TFEC: variants seen among roughly 807,000 people sequenced by gnomAD.
TFEC encodes the protein class E basic helix-loop-helix protein 34.
TFEC carries 31 observed loss-of-function variants against 41.6 expected under a neutral mutation model. That is an observed-to-expected ratio of 0.74 (90% CI 0.56 to 1.01). TFEC has a LOEUF of 1.01. TFEC is among the 50% of genes least tolerant of loss of function. The pLI is 0.00. For synonymous variants in TFEC, 143 were observed against 140.6 expected, an observed-to-expected ratio of 1.02 and a Z score of -0.12; for missense variants, 402 against 404.1, an observed-to-expected ratio of 0.99 and a Z score of 0.04.
In TFEC at chr7:116,045,313, C is replaced by T. The variant is rs189782903; in HGVS notation, c.199-60800G>A. ...AGCAATGAGACTGGCGGCATTTTGC[C>T]CCTGCCCTAGAGATTTGTGGAACTT... On this transcript the variant is annotated intron_variant, in intron 3 of 8. Coordinates refer to the TFEC transcript ENST00000484212. Among the ~76,000 whole-genome samples the T allele has an allele frequency of 3.9e-5, 6 of 152,268 alleles. No individual in the cohort carries two copies. The East Asian group carries it at 1.2e-3, about 29-fold the overall frequency.
At chr7:115,996,411 G>A (rs1429733785) in intron 1 of TFEC, among the ~76,000 whole-genome samples, 1 of 152,074 alleles carries the variant, frequency 6.6e-6, no homozygotes, top group Non-Finnish European at 1.5e-5. Flanking sequence ...CCTGGGCCCT[G>A]AATAATCAGC....
intron 1 of TFEC, among the ~76,000 whole-genome samples, chr7:116,009,610 C>T (rs533619558): frequency 6.6e-6 from 1 of 152,110 alleles, no homozygotes; most frequent in South Asian, 2.1e-4. Flanking sequence ...ATAACTATAA[C>T]ACAATGTGGC....
chr7:116,130,673 C>A (rs1286837175), intron 1 of TFEC, among the ~76,000 whole-genome samples: 1 of 152,130 alleles, frequency 6.6e-6, no homozygotes, highest in East Asian at 1.9e-4. Context: ...AGTGCAGTAG[C>A]ACAATCCCAG....
intron 3 of TFEC, among the ~76,000 whole-genome samples, chr7:115,970,708 C>G (rs1793094827): frequency 6.6e-6 from 1 of 151,856 alleles, no homozygotes; most frequent in Non-Finnish European, 1.5e-5. Context: ...TGAACTAGGA[C>G]AATTATTCAC....
chr7:115,975,577 A>C (rs1793342633), intron 2 of TFEC, among the ~76,000 whole-genome samples: 1 of 152,172 alleles, frequency 6.6e-6, no homozygotes, highest in Non-Finnish European at 1.5e-5. Flanking sequence ...TGTGGTTAGA[A>C]CTGGAGCTAC....
At position 116,030,658 on chromosome 7, in the gene TFEC, T is replaced by C. The variant is rs1795758135; in HGVS notation, c.-98A>G. 2.0e-6 allele frequency: 2 copies of C among 985,294 alleles called. No homozygotes were observed. The highest frequency in any genetic ancestry group is 1.7e-5 in the African/African-American group (1 of 57,232). The allele number at this position is 985,294 out of a possible 1,614,324, so 61.0% of individuals were successfully genotyped here. A position where few individuals can be genotyped will look rare whatever the true frequency, so the allele number is the denominator to read the frequency against. On this transcript the variant is annotated 5_prime_UTR_variant, in exon 1 of 8. Coordinates refer to ENST00000265440, the MANE Select transcript of TFEC (RefSeq NM_012252.4). Reference sequence around the variant, plus strand: ...CAGCAATGAGTGGATTTTATCAGTGTTGTCATCTCTACAAACAGCACCAAA... The same window carrying C: ...CAGCAATGAGTGGATTTTATCAGTGCTGTCATCTCTACAAACAGCACCAAA...
intron 3 of TFEC, among the ~76,000 whole-genome samples, chr7:116,050,013 C>T (rs1796268780): frequency 6.6e-6 from 1 of 152,016 alleles, no homozygotes; most frequent in Non-Finnish European, 1.5e-5. Flanking sequence ...ACTAAATGCC[C>T]ACAAGAGAAA....
chr7:115,967,406 G>A (rs907453732), intron 3 of TFEC, among the ~76,000 whole-genome samples: 1 of 151,676 alleles, frequency 6.6e-6, no homozygotes, highest in African/African-American at 2.4e-5. Flanking sequence ...TGTATAAAGA[G>A]GATCACTGTA....
chr7:116,014,251 T>C (rs943559687), intron 1 of TFEC, among the ~76,000 whole-genome samples: 106 of 152,110 alleles, frequency 7.0e-4, no homozygotes, highest in African/African-American at 2.4e-3. Context: ...TATGCTATTT[T>C]TTGAGAGATA....
At chr7:115,951,054 T>G in intron 5 of TFEC, 105 bp from the exon 6 acceptor site, 1 of 551,364 alleles carries the variant, frequency 1.8e-6, no homozygotes, top group Non-Finnish European at 2.9e-6. Flanking sequence ...GGAAAAAAAC[T>G]TTCCATTTAG....
Position 115,974,191 on chromosome 7 carries a change from A to C in TFEC, c.246T>G (p.Ser82=), listed in dbSNP as rs768205444. Residue 82 remains serine (S), a synonymous_variant, in exon 3 of 8, where the codon TCT becomes TCG. Coordinates refer to ENST00000265440, the MANE Select transcript of TFEC (RefSeq NM_012252.4). ...ESSFKEEGAD[S]PLLMQRTLSG... is the part of the protein sequence containing the mutation. ...TTACTGTTCTTTGCATTAGCAGAGGAGAGTCTGCTCCTTCCTCTTTAAAAC... is the reference window on the plus strand; with the variant it reads ...TTACTGTTCTTTGCATTAGCAGAGGCGAGTCTGCTCCTTCCTCTTTAAAAC... 1.9e-6 allele frequency: 3 copies of C among 1,595,556 alleles called. No homozygotes were observed. The highest frequency in any genetic ancestry group is 1.7e-6 in the Non-Finnish European group (2 of 1,172,092).
At chr7:115,976,093 G>A (rs932642010) in intron 2 of TFEC, among the ~76,000 whole-genome samples, 2 of 152,098 alleles carry the variant, frequency 1.3e-5, no homozygotes, top group Non-Finnish European at 2.9e-5. Context: ...GTGTAACTGC[G>A]AAAATGAAAT....
intron 3 of TFEC, among the ~76,000 whole-genome samples, chr7:116,088,608 T>C (rs1473352126): frequency 6.6e-6 from 1 of 152,138 alleles, no homozygotes; most frequent in Non-Finnish European, 1.5e-5. Context: ...ATCTTAGTCA[T>C]TATTTTTTAT....
At chr7:116,138,837 GA>G (rs1206990777) in intron 1 of TFEC, among the ~76,000 whole-genome samples, 1 of 152,098 alleles carries the variant, frequency 6.6e-6, no homozygotes, top group South Asian at 2.1e-4. Flanking sequence ...ATAAATTAAA[GA>G]AAAAAAGTAA....
At chr7:116,003,177 AG>A (rs1280274911) in intron 1 of TFEC, among the ~76,000 whole-genome samples, 1 of 152,152 alleles carries the variant, frequency 6.6e-6, no homozygotes, top group Non-Finnish European at 1.5e-5. Flanking sequence ...ATAAATTAAA[AG>A]TAGGGCTAGG....
chr7:116,148,562 GA>G (rs577430604), intron 1 of TFEC, among the ~76,000 whole-genome samples: 7 of 152,116 alleles, frequency 4.6e-5, no homozygotes, highest in Non-Finnish European at 1.0e-4. Context: ...AAAATGACAA[GA>G]TTTCCTAATA....
intron 3 of TFEC, among the ~76,000 whole-genome samples, chr7:116,055,268 G>T (rs1796400343): frequency 1.3e-5 from 2 of 152,016 alleles, no homozygotes; most frequent in Admixed American, 1.3e-4. Flanking sequence ...TTGAAGTTAT[G>T]CTTTTAAAAG....
intron 1 of TFEC, among the ~76,000 whole-genome samples, chr7:116,006,866 TAGTG>T (rs1364337759): frequency 6.6e-6 from 1 of 152,140 alleles, no homozygotes; most frequent in Non-Finnish European, 1.5e-5. Context: ...GTTCTCATGA[TAGTG>T]AGTAAGTCTC....
At chr7:116,136,015 G>T (rs551619567) in intron 1 of TFEC, among the ~76,000 whole-genome samples, 1 of 152,140 alleles carries the variant, frequency 6.6e-6, no homozygotes, top group Admixed American at 6.5e-5. Flanking sequence ...AAGCTTATTT[G>T]TATGTATATA....
Sources: allele counts gnomAD v4.1 joint callset (sites outside exome capture counted in the v4.1 genomes callset), GRCh38; gene constraint gnomAD v4.1.1; transcripts MANE v1.5; gene names NCBI Gene and HGNC (gene_info 2026-07-23, HGNC 2026-07-21).